MED13L: variants seen among roughly 807,000 people sequenced by gnomAD.
The protein encoded by MED13L is mediator complex subunit 13L, also known as mediator of RNA polymerase II transcription subunit 13-like.
In MED13L, 7 loss-of-function variants were observed where a neutral mutation model predicts 220.9. The ratio of observed to expected loss-of-function variants is 0.03; its 90% CI spans 0.02 to 0.06. The LOEUF is 0.06. Ranked by LOEUF, MED13L falls within the 10% of genes least tolerant of loss-of-function variation. The pLI is 1.00. For synonymous variants in MED13L, 1,011 were observed against 1,015.2 expected, an observed-to-expected ratio of 1.00 and a Z score of 0.08; for missense variants, 1,965 against 2,760.5, an observed-to-expected ratio of 0.71 and a Z score of 6.46.
chr12:116,034,403 C>T, intron 4 of MED13L, among the ~76,000 whole-genome samples: 1 of 152,106 alleles, frequency 6.6e-6, no homozygotes, highest in South Asian at 2.1e-4. Context: ...CGGAAGAACA[C>T]AAATGTAAAG....
At position 116,015,273 on chromosome 12, in the gene MED13L, A is replaced by G. The variant is rs1300927555; in HGVS notation, c.1011T>C (p.Gly337=). The change falls in exon 8 of 31, where the codon GGT becomes GGC. Residue 337 remains glycine (G), a splice_region_variant and synonymous_variant. Coordinates refer to ENST00000281928, the MANE Select transcript of MED13L (RefSeq NM_015335.5). The part of the protein sequence containing the change: ...PPTSPEQAIL[G]ESGGMQSAAS... ...CAGCACTCTGCATACCTCCACTCTC[A>G]CCTGAAAAAAAAGGCAATTTGGAAT... 2 of 1,613,434 alleles carry G rather than the reference A, an allele frequency of 1.2e-6. No homozygotes were observed. Among genetic ancestry groups the G allele is most frequent in the Non-Finnish European group, 1.7e-6 (2 of 1,179,668 alleles).
chr12:116,011,055 G>GA (rs1555248265), intron 9 of MED13L, among the ~76,000 whole-genome samples: 1 of 146,686 alleles, frequency 6.8e-6, no homozygotes, highest in South Asian at 2.2e-4. Flanking sequence ...TTGTGTTTTT[G>GA]TTTTTTTTTT....
At chr12:116,202,264 T>C (rs899837694) in intron 2 of MED13L, among the ~76,000 whole-genome samples, 1 of 152,232 alleles carries the variant, frequency 6.6e-6, no homozygotes, top group East Asian at 1.9e-4. Flanking sequence ...GAAATCCATA[T>C]TCAGTAAGGC....
intron 8 of MED13L, among the ~76,000 whole-genome samples, 157 bp from the exon 9 acceptor site, chr12:116,013,058 T>C (rs1457730754): frequency 6.6e-6 from 1 of 152,228 alleles, no homozygotes. Flanking sequence ...CTGTTTTATG[T>C]ACTGGAAGCA....
At chr12:116,047,476 C>T (rs567413560) in intron 4 of MED13L, among the ~76,000 whole-genome samples, 4 of 152,304 alleles carry the variant, frequency 2.6e-5, no homozygotes, top group South Asian at 2.1e-4. Flanking sequence ...AGTGGGTTTT[C>T]TTTATCCAAT....
intron 2 of MED13L, among the ~76,000 whole-genome samples, chr12:116,211,276 TTC>T (rs1882687261): frequency 2.0e-5 from 3 of 152,294 alleles, no homozygotes; most frequent in African/African-American, 7.2e-5. Flanking sequence ...CTGAAATGTG[TTC>T]TGACACCAGG....
At chr12:116,269,972 A>G (rs925819022) in intron 1 of MED13L, among the ~76,000 whole-genome samples, 1 of 151,944 alleles carries the variant, frequency 6.6e-6, no homozygotes, top group Non-Finnish European at 1.5e-5. Flanking sequence ...TTTTCAAACT[A>G]GAATCAAAAT....
chr12:116,007,627 T>G lies in MED13L; in HGVS notation c.2022A>C (p.Ala674=), dbSNP rs145117616. The G allele has an allele frequency of 1.7e-5, 26 of 1,497,894 alleles. No homozygotes were observed. Among genetic ancestry groups the G allele is most frequent in the Non-Finnish European group, 2.4e-5 (26 of 1,094,062 alleles). 92.8% of individuals were successfully genotyped at this position (1,497,894 alleles called of 1,614,324 possible). Residue 674 remains alanine (A), a synonymous_variant, in exon 11 of 31, where the codon GCA becomes GCC. Transcript: ENST00000281928. ...SESTALQRLL[A]QPNKRFKIWQ... is the part of the protein sequence containing the mutation. ...AGATTTTAAACCGTTTGTTAGGTTG[T>G]GCTAAGAGTCTAAAAGACAAAAAAA...
At chr12:116,269,186 G>A (rs1873059301) in intron 1 of MED13L, among the ~76,000 whole-genome samples, 1 of 152,054 alleles carries the variant, frequency 6.6e-6, no homozygotes, top group Non-Finnish European at 1.5e-5. Flanking sequence ...AGCCTCCCAA[G>A]TGGCTGGGAT....
intron 4 of MED13L, among the ~76,000 whole-genome samples, chr12:116,062,934 T>C (rs935767962): frequency 1.2e-4 from 18 of 152,158 alleles, no homozygotes; most frequent in Admixed American, 1.3e-4. Flanking sequence ...TGTACCCAAG[T>C]GGAGATGCTT....
intron 2 of MED13L, among the ~76,000 whole-genome samples, chr12:116,134,401 A>G (rs1001315924): frequency 1.3e-5 from 2 of 152,236 alleles, no homozygotes; most frequent in African/African-American, 4.8e-5. Flanking sequence ...TTACATATTA[A>G]TAAGAAAATT....
intron 5 of MED13L, among the ~76,000 whole-genome samples, chr12:116,021,339 CT>C (rs1165871259): frequency 3.3e-5 from 5 of 152,086 alleles, no homozygotes; most frequent in African/African-American, 1.2e-4. Flanking sequence ...TAACTAAATG[CT>C]TTTATTCTGA....
intron 2 of MED13L, among the ~76,000 whole-genome samples, chr12:116,218,071 C>T (rs992221396): frequency 3.3e-5 from 5 of 152,094 alleles, no homozygotes; most frequent in African/African-American, 4.8e-5. Context: ...ATAAGAGATT[C>T]GATAACATAA....
rs570544935 is a variant in MED13L, at chr12:116,058,667, A to G, written c.480-36066T>C. Among the ~76,000 whole-genome samples the G allele has an allele frequency of 7.9e-5, 12 of 152,346 alleles. 1 individual carries two copies. The East Asian group carries it at 1.7e-3, about 22-fold the overall frequency. Reference sequence around the variant, plus strand: ...TTGCAGAGATAAGTTGCTAATCTTAATAAGTGTTCCCAGAAAGAGAATACC... The same window carrying G: ...TTGCAGAGATAAGTTGCTAATCTTAGTAAGTGTTCCCAGAAAGAGAATACC... On this transcript the variant is annotated intron_variant, in intron 4 of 30. Coordinates refer to ENST00000281928, the MANE Select transcript of MED13L (RefSeq NM_015335.5).
At chr12:116,074,742 A>T (rs1870645703) in intron 4 of MED13L, among the ~76,000 whole-genome samples, 1 of 152,200 alleles carries the variant, frequency 6.6e-6, no homozygotes. Context: ...GACTATACTA[A>T]AACTTTTCAG....
At chr12:116,171,835 T>A (rs995774348) in intron 2 of MED13L, among the ~76,000 whole-genome samples, 6 of 152,176 alleles carry the variant, frequency 3.9e-5, no homozygotes, top group African/African-American at 7.2e-5. Flanking sequence ...CCAATTTTTT[T>A]AAAAACCTCA....
At chr12:115,978,838 C>T (rs1291201123) in intron 23 of MED13L, among the ~76,000 whole-genome samples, 1 of 152,092 alleles carries the variant, frequency 6.6e-6, no homozygotes, top group Non-Finnish European at 1.5e-5. Context: ...CGAGATATTC[C>T]ATGAAAAACA....
At chr12:115,984,081 G>C (rs1877520107) in intron 20 of MED13L, 99 bp downstream of exon 20, 2 of 1,329,424 alleles carry the variant, frequency 1.5e-6, no homozygotes, top group Non-Finnish European at 2.1e-6. Flanking sequence ...CATTACTTGA[G>C]ACAAAAGAAA....
chr12:116,063,194 G>T (rs1869649807), intron 4 of MED13L, among the ~76,000 whole-genome samples: 1 of 152,136 alleles, frequency 6.6e-6, no homozygotes, highest in South Asian at 2.1e-4. Flanking sequence ...GGGCAGCCCA[G>T]AAGACCACTT....
Sources: allele counts gnomAD v4.1 joint callset (sites outside exome capture counted in the v4.1 genomes callset), GRCh38; gene constraint gnomAD v4.1.1; transcripts MANE v1.5; gene names NCBI Gene and HGNC (gene_info 2026-07-23, HGNC 2026-07-21).